PKD1L1: variants seen among roughly 807,000 people sequenced by gnomAD.
The protein encoded by PKD1L1 is polycystin-1-like protein 1.
PKD1L1 carries 236 observed loss-of-function variants against 323.4 expected under a neutral mutation model. That is an observed-to-expected ratio of 0.73 (90% confidence interval 0.66 to 0.81). The LOEUF (loss-of-function observed/expected upper bound fraction) is 0.81, where lower values mean the gene tolerates loss of function less well. Among genes scored for constraint, PKD1L1 ranks in the 40% least tolerant of loss-of-function variants. The pLI is 0.00. For missense variants in PKD1L1, 3,320 were observed against 3,508.0 expected, an observed-to-expected ratio of 0.95 and a Z score of 1.35; for synonymous variants, 1,344 against 1,335.0, an observed-to-expected ratio of 1.01 and a Z score of -0.15.
intron 4 of PKD1L1, among the ~76,000 whole-genome samples, chr7:47,935,777 C>T (rs926628934): frequency 3.9e-5 from 6 of 152,180 alleles, no homozygotes; most frequent in Admixed American, 6.5e-5. Context: ...ATAAAAGGAG[C>T]AATATTATAG....
At chr7:47,828,364 G>A (rs1785276977) in intron 44 of PKD1L1, among the ~76,000 whole-genome samples, 1 of 151,946 alleles carries the variant, frequency 6.6e-6, no homozygotes, top group South Asian at 2.1e-4. Flanking sequence ...CTGTACGAGG[G>A]GAGAAGAGGA....
At chr7:47,915,643 A>C (rs960918024) in intron 7 of PKD1L1, 44 bp from the exon 8 acceptor site, 29 of 1,261,652 alleles carry the variant, frequency 2.3e-5, no homozygotes, top group Non-Finnish European at 3.0e-5. Flanking sequence ...AGTGGAAATT[A>C]ATAAACTAGG....
intron 55 of PKD1L1, among the ~76,000 whole-genome samples, chr7:47,793,317 C>T (rs1312916853): frequency 6.6e-6 from 1 of 152,120 alleles, no homozygotes; most frequent in Non-Finnish European, 1.5e-5. Flanking sequence ...CAAATCTCAA[C>T]TTGAATTGTA....
At chr7:47,880,261 TATACATATATATATATATATA>T (rs1786512719) in intron 21 of PKD1L1, among the ~76,000 whole-genome samples, 5 of 93,870 alleles carry the variant, frequency 5.3e-5, no homozygotes, top group Non-Finnish European at 9.8e-5. Context: ...TATATATATA[TATACATATATATATATATATA>T]TATTTTTTTT....
At chr7:47,920,175 CA>C (rs1787505610) in intron 7 of PKD1L1, among the ~76,000 whole-genome samples, 1 of 151,366 alleles carries the variant, frequency 6.6e-6, no homozygotes, top group Admixed American at 6.6e-5. Context: ...TTTCTGGATA[CA>C]AAACTAATGT....
chr7:47,804,845 T>C (rs967580938), intron 52 of PKD1L1, among the ~76,000 whole-genome samples: 1 of 152,102 alleles, frequency 6.6e-6, no homozygotes, highest in African/African-American at 2.4e-5. Context: ...TCACAGCACA[T>C]CTCAGTTTGG....
Position 47,803,303 on chromosome 7 carries a change from T to C in PKD1L1, c.7869A>G (p.Thr2623=), listed in dbSNP as rs1199101741. 2 of 1,614,128 alleles carry C rather than the reference T, an allele frequency of 1.2e-6. No individual in the cohort carries two copies. The highest frequency in any genetic ancestry group is 1.1e-5 in the South Asian group (1 of 91,084). ...WLRGILLFLF[T]LKCVYLPGIQ... is the part of the protein sequence containing the mutation. ...TGCCAGGAAGATAGACGCATTTTAATGTGAAGAGGAATAAGAGGATTCCCC... is the reference window on the plus strand; with the variant it reads ...TGCCAGGAAGATAGACGCATTTTAACGTGAAGAGGAATAAGAGGATTCCCC... Residue 2623 remains threonine, a synonymous_variant, in exon 53 of 57, where the codon ACA becomes ACG. Coordinates refer to ENST00000289672, the MANE Select transcript of PKD1L1 (RefSeq NM_138295.5).
chr7:47,918,745 T>A (rs1787479222), intron 7 of PKD1L1, among the ~76,000 whole-genome samples: 1 of 152,108 alleles, frequency 6.6e-6, no homozygotes, highest in Non-Finnish European at 1.5e-5. Context: ...ACATAGAAAT[T>A]AAATAACCTG....
intron 55 of PKD1L1, among the ~76,000 whole-genome samples, chr7:47,793,054 A>C (rs994571431): frequency 1.3e-5 from 2 of 151,808 alleles, no homozygotes; most frequent in African/African-American, 4.8e-5. Flanking sequence ...ACATAAAAAA[A>C]ACTATTGAAT....
At chr7:47,782,306 GCAACAGGA>G (rs1387787641) in intron 56 of PKD1L1, among the ~76,000 whole-genome samples, 1 of 152,052 alleles carries the variant, frequency 6.6e-6, no homozygotes, top group Non-Finnish European at 1.5e-5. Flanking sequence ...CTCCTGCCTG[GCAACAGGA>G]CAAGGATGTT....
chr7:47,802,191 CAAA>C (rs5884026), intron 53 of PKD1L1, among the ~76,000 whole-genome samples: 17,617 of 105,928 alleles, frequency 0.17, 1,226 homozygotes, highest in African/African-American at 0.25. Flanking sequence ...GACTCTATCT[CAAA>C]AAAAAAAAAA....
rs369195399 is a variant in PKD1L1 at position 47,797,942 on chromosome 7, G to A, written c.8194-1792C>T. On this transcript the variant is annotated intron_variant, in intron 54 of 56. Coordinates refer to ENST00000289672, the MANE Select transcript of PKD1L1 (RefSeq NM_138295.5). ...AAACAGTGATGAAAAAAATCAAAGA[G>A]TATCTAAATAAATGGAGAGAAATAC... 3.9e-5 allele frequency among the ~76,000 whole-genome samples: 6 copies of A among 152,226 alleles called. No individual in the cohort carries two copies. In the South Asian group the frequency reaches 6.2e-4, roughly 16 times the overall value.
At chr7:47,851,402 A>AT (rs547144892) in intron 31 of PKD1L1, among the ~76,000 whole-genome samples, 7 of 151,006 alleles carry the variant, frequency 4.6e-5, no homozygotes, top group East Asian at 1.9e-4. Context: ...AACACATTGA[A>AT]TTTTTTTTTT....
chr7:47,930,273 A>G (rs185693270), intron 6 of PKD1L1, among the ~76,000 whole-genome samples: 196 of 151,916 alleles, frequency 1.3e-3, no homozygotes, highest in Non-Finnish European at 2.1e-3. Flanking sequence ...TAAAAAACAC[A>G]GGCAGACAGA....
intron 54 of PKD1L1, among the ~76,000 whole-genome samples, chr7:47,798,005 T>C (rs572380088): frequency 6.6e-6 from 1 of 152,328 alleles, no homozygotes; most frequent in South Asian, 2.1e-4. Flanking sequence ...ATTATTAGGA[T>C]GCCAATTCCC....
rs1367663376 is a variant in PKD1L1 at position 47,812,397 on chromosome 7, C to CT, written c.7347-347dup. Among the ~76,000 whole-genome samples the CT allele has an allele frequency of 1.3e-3, 196 of 151,702 alleles. 1 individual carries two copies. The highest frequency in any genetic ancestry group is 3.4e-3 in the Middle Eastern group (1 of 292). On this transcript the variant is annotated intron_variant, in intron 49 of 56. Transcript: ENST00000289672. ...CAGGGACTCTAGAATATTCATTGTT[C>CT]TTTTTTTTTCTAGAGACCCCACTGT...
intron 7 of PKD1L1, among the ~76,000 whole-genome samples, chr7:47,921,522 C>T (rs940432182): frequency 6.6e-6 from 1 of 152,102 alleles, no homozygotes; most frequent in African/African-American, 2.4e-5. Context: ...CCAGCAATCC[C>T]ACTACTGGAT....
Position 47,848,137 on chromosome 7 carries a change from A to G in PKD1L1, c.4961-1066T>C, listed in dbSNP as rs184859884. The stretch of plus-strand genomic sequence containing the variant: ...CGTGGGAAAACAGGCAGCTTCAGAC[A>G]CTGCTGGAGGTAAACGTGACAATAC... On this transcript the variant is annotated intron_variant, in intron 31 of 56. Coordinates refer to ENST00000289672, the MANE Select transcript of PKD1L1 (RefSeq NM_138295.5). 3.5e-3 allele frequency among the ~76,000 whole-genome samples: 529 copies of G among 152,294 alleles called. 1 individual carries two copies. The highest frequency in any genetic ancestry group is 0.012 in the African/African-American group (518 of 41,560).
chr7:47,944,860 G>A (rs745873377), intron 1 of PKD1L1, among the ~76,000 whole-genome samples: 15 of 152,192 alleles, frequency 9.9e-5, no homozygotes, highest in African/African-American at 3.6e-4. Flanking sequence ...CAAGTGCAGC[G>A]AGTGAAATAG....
Sources: gnomAD v4.1 joint callset for allele counts (sites outside exome capture counted in the v4.1 genomes callset) on GRCh38, gnomAD v4.1.1 for gene constraint, MANE v1.5 for transcripts, NCBI Gene and HGNC (gene_info 2026-07-23, HGNC 2026-07-21) for gene names.